The following SLC8A1 variants were observed in gnomAD, a reference collection of about 807,000 sequenced individuals.
The protein encoded by SLC8A1 is sodium/calcium exchanger 1.
A neutral mutation model predicts 68.3 loss-of-function variants in SLC8A1; 18 were observed. That is an observed-to-expected ratio of 0.26 (90% CI 0.18 to 0.39). SLC8A1 has a LOEUF of 0.39. Among genes scored for constraint, SLC8A1 ranks in the 10% least tolerant of loss-of-function variants. SLC8A1 has a pLI of 1.00. For missense variants in SLC8A1, 985 were observed against 1,156.7 expected (o/e 0.85, Z 2.15); for synonymous variants, 475 against 415.5 (o/e 1.14, Z -1.74).
intron 2 of SLC8A1, among the ~76,000 whole-genome samples, chr2:40,312,629 A>G (rs1261019518): frequency 2.0e-5 from 3 of 152,150 alleles, no homozygotes; most frequent in Non-Finnish European, 1.5e-5. Flanking sequence ...TTCTATAAGG[A>G]TGGACTTCTG....
At chr2:40,153,931 A>G (rs539034835) in intron 6 of SLC8A1, among the ~76,000 whole-genome samples, 7 of 152,288 alleles carry the variant, frequency 4.6e-5, no homozygotes, top group African/African-American at 1.7e-4. Context: ...TGTAACTGAG[A>G]TTAAAAGACT....
chr2:40,216,899 A>G (rs2057579593), intron 2 of SLC8A1, among the ~76,000 whole-genome samples: 1 of 151,980 alleles, frequency 6.6e-6, no homozygotes, highest in African/African-American at 2.4e-5. Flanking sequence ...TGGATATTAG[A>G]TCTTTGTCAG....
In SLC8A1 at chr2:40,327,014, A is replaced by T. The variant is rs115057232; in HGVS notation, c.1808+101459T>A. ...GAAACAAAACATTACTTTTGTGTAA[A>T]ACAACTTGTAACAACAATAGTAATA... On this transcript the variant is annotated intron_variant, in intron 2 of 7. Coordinates refer to ENST00000406785, the Ensembl canonical transcript of SLC8A1. Among the ~76,000 whole-genome samples, 212 of 152,346 alleles carry T rather than the reference A, an allele frequency of 1.4e-3. 1 individual carries two copies. Among genetic ancestry groups the T allele is most frequent in the African/African-American group, 4.9e-3 (205 of 41,576 alleles).
chr2:40,461,548 C>A (rs779768811), intron 1 of SLC8A1, among the ~76,000 whole-genome samples: 8 of 152,190 alleles, frequency 5.3e-5, no homozygotes, highest in Non-Finnish European at 1.0e-4. Context: ...CCTGCACAAC[C>A]ACCAGACATT....
intron 2 of SLC8A1, among the ~76,000 whole-genome samples, chr2:40,357,520 C>T (rs142330271): frequency 0.023 from 2,178 of 95,916 alleles, 59 homozygotes; most frequent in African/African-American, 0.07. Context: ...AAAAAAAACA[C>T]AAGATGTAAA....
chr2:40,353,244 T>C (rs936038247), intron 2 of SLC8A1, among the ~76,000 whole-genome samples: 11 of 152,180 alleles, frequency 7.2e-5, no homozygotes, highest in African/African-American at 2.7e-4. Context: ...GTGCTTGCTG[T>C]CATAACCATG....
chr2:40,290,209 G>T (rs1390938023), intron 2 of SLC8A1, among the ~76,000 whole-genome samples: 1 of 151,256 alleles, frequency 6.6e-6, no homozygotes, highest in Middle Eastern at 3.2e-3. Flanking sequence ...TGGATGAAAT[G>T]AAAGTGAAAG....
At chr2:40,435,470 A>G (rs1231400023) in intron 1 of SLC8A1, among the ~76,000 whole-genome samples, 4 of 152,094 alleles carry the variant, frequency 2.6e-5, no homozygotes, top group African/African-American at 9.7e-5. Context: ...TTCCCTTCCA[A>G]AGAAAGTTTC....
At chr2:40,233,351 G>A (rs1355615909) in intron 2 of SLC8A1, among the ~76,000 whole-genome samples, 2 of 152,104 alleles carry the variant, frequency 1.3e-5, no homozygotes, top group Non-Finnish European at 2.9e-5. Flanking sequence ...GGCCAGTGAT[G>A]ATGAGCATTT....
chr2:40,408,931 G>T (rs1472297636), intron 2 of SLC8A1, among the ~76,000 whole-genome samples: 2 of 151,478 alleles, frequency 1.3e-5, no homozygotes, highest in African/African-American at 2.4e-5. Flanking sequence ...ACAAAAGAAA[G>T]ATAAGAGAAA....
At chr2:40,174,905 G>T in intron 3 of SLC8A1, 63 bp from the exon 5 acceptor site, 1 of 1,503,880 alleles carries the variant, frequency 6.6e-7, no homozygotes, top group South Asian at 1.1e-5. Flanking sequence ...AAATACCAGT[G>T]ACATCAGACT....
chr2:40,449,673 TTAAAG>T (rs67280854), intron 1 of SLC8A1, among the ~76,000 whole-genome samples: 46,439 of 151,508 alleles, frequency 0.31, 7,799 homozygotes, highest in East Asian at 0.51. Context: ...TATAATAATA[TTAAAG>T]TAAAGACATA....
chr2:40,431,508 C>T (rs927241134), intron 1 of SLC8A1, among the ~76,000 whole-genome samples: 1 of 152,034 alleles, frequency 6.6e-6, no homozygotes, highest in Non-Finnish European at 1.5e-5. Context: ...CACCCACCAG[C>T]TCAAGCAAAA....
intron 1 of SLC8A1, among the ~76,000 whole-genome samples, chr2:40,441,499 C>G (rs1700478362): frequency 6.6e-6 from 1 of 152,064 alleles, no homozygotes; most frequent in Admixed American, 6.6e-5. Flanking sequence ...ATCACACTAC[C>G]TGACTTCAAA....
At chr2:40,233,931 G>T (rs2060018953) in intron 2 of SLC8A1, among the ~76,000 whole-genome samples, 1 of 151,728 alleles carries the variant, frequency 6.6e-6, no homozygotes, top group Non-Finnish European at 1.5e-5. Context: ...ATTTCTGAGG[G>T]CTCTGTTCTG....
intron 2 of SLC8A1, among the ~76,000 whole-genome samples, chr2:40,368,323 T>G (rs1676917133): frequency 6.6e-6 from 1 of 151,980 alleles, no homozygotes; most frequent in Non-Finnish European, 1.5e-5. Flanking sequence ...TTTGCAAAAA[T>G]TAAATTTTTA....
At chr2:40,269,325 A>T (rs2065739091) in intron 2 of SLC8A1, among the ~76,000 whole-genome samples, 2 of 152,206 alleles carry the variant, frequency 1.3e-5, no homozygotes, top group Non-Finnish European at 2.9e-5. Flanking sequence ...ATGCTTTTGT[A>T]CTATCTTACA....
chr2:40,219,324 G>A (rs1574238895), intron 2 of SLC8A1, among the ~76,000 whole-genome samples: 1 of 152,222 alleles, frequency 6.6e-6, no homozygotes, highest in African/African-American at 2.4e-5. Context: ...AGGTTACAAG[G>A]AGTAATTGTG....
At chr2:40,123,277 A>C (rs2037330092) in intron 7 of SLC8A1, 1 of 152,274 alleles carries the variant, frequency 6.6e-6, no homozygotes, top group Admixed American at 6.5e-5. Flanking sequence ...ACACAATGGT[A>C]AAGCAGCTGA....
Sources: allele counts gnomAD v4.1 joint callset (sites outside exome capture counted in the v4.1 genomes callset), GRCh38; gene constraint gnomAD v4.1.1; transcripts MANE v1.5; gene names NCBI Gene and HGNC (gene_info 2026-07-23, HGNC 2026-07-21).